FBXL13: variants seen among roughly 807,000 people sequenced by gnomAD.
The protein encoded by FBXL13 is F-box and leucine rich repeat protein 13.
In FBXL13, 67 loss-of-function variants were observed where a neutral mutation model predicts 83.6. The observed-to-expected ratio is 0.80, with a 90% CI of 0.66 to 0.98. The LOEUF (loss-of-function observed/expected upper bound fraction) is 0.98, where lower values mean the gene tolerates loss of function less well. Ranked by LOEUF, FBXL13 falls within the 50% of genes least tolerant of loss-of-function variation. FBXL13 has a pLI of 0.00. For missense variants in FBXL13, 822 were observed against 866.5 expected, an observed-to-expected ratio of 0.95 and a Z score of 0.64; for synonymous variants, 272 against 299.5, an observed-to-expected ratio of 0.91 and a Z score of 0.95.
At chr7:102,871,190 A>G (rs934082357) in intron 16 of FBXL13, among the ~76,000 whole-genome samples, 6 of 151,996 alleles carry the variant, frequency 3.9e-5, no homozygotes, top group African/African-American at 1.5e-4. Flanking sequence ...TCACACCTCC[A>G]TGAGAATGAC....
chr7:102,953,213 A>G (rs1823697338), intron 8 of FBXL13, among the ~76,000 whole-genome samples: 1 of 152,232 alleles, frequency 6.6e-6, no homozygotes. Flanking sequence ...GAAAAACTAC[A>G]GAGTAATATT....
chr7:102,938,372 G>A (rs1011354540), intron 8 of FBXL13, among the ~76,000 whole-genome samples: 1 of 152,120 alleles, frequency 6.6e-6, no homozygotes, highest in Non-Finnish European at 1.5e-5. Flanking sequence ...AATAAACAGG[G>A]CCATTTATGT....
intron 17 of FBXL13, among the ~76,000 whole-genome samples, chr7:102,847,781 G>A (rs1419164854): frequency 6.6e-6 from 1 of 152,038 alleles, no homozygotes; most frequent in African/African-American, 2.4e-5. Context: ...CACCCACCTC[G>A]GCCTCCCAAA....
At chr7:102,940,312 C>T (rs1821168748) in intron 8 of FBXL13, among the ~76,000 whole-genome samples, 1 of 151,858 alleles carries the variant, frequency 6.6e-6, no homozygotes, top group Non-Finnish European at 1.5e-5. Context: ...CAGGTTCACG[C>T]CATTCTCCTG....
At chr7:102,821,851 A>C (rs894916973) in intron 19 of FBXL13, among the ~76,000 whole-genome samples, 189 bp downstream of exon 20, 1 of 152,190 alleles carries the variant, frequency 6.6e-6, no homozygotes, top group African/African-American at 2.4e-5. Flanking sequence ...GCCTACTGGA[A>C]AAGGGATAGG....
intron 11 of FBXL13, among the ~76,000 whole-genome samples, chr7:102,903,939 C>CTTTTT (rs1166655004): frequency 0.038 from 1,605 of 42,776 alleles, no homozygotes; most frequent in Non-Finnish European, 0.054. Flanking sequence ...CTTTTCTTTT[C>CTTTTT]TTTTTTTTTT....
intron 8 of FBXL13, chr7:102,944,870 G>A: frequency 2.9e-6 from 1 of 348,846 alleles, no homozygotes. Flanking sequence ...CCTAATGATG[G>A]CATTAGACTT....
At chr7:102,856,646 A>T (rs963090212) in intron 16 of FBXL13, among the ~76,000 whole-genome samples, 3 of 152,232 alleles carry the variant, frequency 2.0e-5, no homozygotes, top group African/African-American at 7.2e-5. Flanking sequence ...TGGCCTAAAA[A>T]TTGAATTGAT....
intron 2 of FBXL13, among the ~76,000 whole-genome samples, chr7:103,050,546 A>G (rs1796703458): frequency 6.6e-6 from 1 of 152,176 alleles, no homozygotes; most frequent in African/African-American, 2.4e-5. Context: ...CCAACCTCCA[A>G]CTAGGAGTTT....
At chr7:102,934,732 C>T in intron 8 of FBXL13, 1 of 1,452,186 alleles carries the variant, frequency 6.9e-7, no homozygotes, top group Non-Finnish European at 9.3e-7. Context: ...ACTTGAAATG[C>T]TCTTTGAATC....
intron 17 of FBXL13, among the ~76,000 whole-genome samples, chr7:102,851,290 A>G (rs183742449): frequency 1.4e-3 from 212 of 152,342 alleles, no homozygotes; most frequent in Admixed American, 3.0e-3. Context: ...GTCTCCTGTT[A>G]GTCATGTTAA....
rs184259361 is a variant in FBXL13 at position 103,031,658 on chromosome 7, G to T, written c.1-2240C>A. Among the ~76,000 whole-genome samples, 6 of 152,218 alleles carry T rather than the reference G, an allele frequency of 3.9e-5. No individual in the cohort carries two copies. The East Asian group carries it at 1.2e-3, about 29-fold the overall frequency. On this transcript the variant is annotated intron_variant, in intron 2 of 19. Coordinates refer to ENST00000313221, the Ensembl canonical transcript of FBXL13. ...AGGAATGGACAGTGCATCACAATAC[G>T]ATTTCTAAGAGTCCAGGTACACTGA...
intron 10 of FBXL13, among the ~76,000 whole-genome samples, chr7:102,919,403 C>G (rs1216047981): frequency 3.9e-5 from 6 of 152,160 alleles, no homozygotes; most frequent in Admixed American, 3.9e-4. Context: ...ATGATAAACT[C>G]TAAACAAATG....
At chr7:102,973,614 T>G (rs1457185977) in intron 6 of FBXL13, 1 of 766,002 alleles carries the variant, frequency 1.3e-6, no homozygotes, top group African/African-American at 1.7e-5. Flanking sequence ...CAAGAATCTT[T>G]CATCTGGTGC....
intron 6 of FBXL13, among the ~76,000 whole-genome samples, chr7:103,023,279 C>G (rs1292388374): frequency 1.3e-5 from 2 of 150,972 alleles, no homozygotes; most frequent in Non-Finnish European, 3.0e-5. Context: ...CCGTCTCAAA[C>G]AAAACAAAAC....
chr7:103,009,595 A>C (rs1791372580), intron 6 of FBXL13, among the ~76,000 whole-genome samples: 1 of 152,142 alleles, frequency 6.6e-6, no homozygotes, highest in East Asian at 1.9e-4. Flanking sequence ...TCCTGAGTGC[A>C]AGGGGACCTC....
At chr7:102,922,471 C>A (rs1817240268) in intron 10 of FBXL13, among the ~76,000 whole-genome samples, 1 of 151,964 alleles carries the variant, frequency 6.6e-6, no homozygotes, top group Non-Finnish European at 1.5e-5. Context: ...AAAAAGTATG[C>A]ATATAAATGT....
At chr7:103,024,501 C>G (rs993081226) in intron 6 of FBXL13, among the ~76,000 whole-genome samples, 1 of 142,742 alleles carries the variant, frequency 7.0e-6, no homozygotes, top group African/African-American at 2.6e-5. Flanking sequence ...CACTTCCAGC[C>G]TGGGCAACAA....
chr7:102,907,129 C>A (rs751732196), intron 11 of FBXL13, among the ~76,000 whole-genome samples: 3 of 152,012 alleles, frequency 2.0e-5, no homozygotes, highest in African/African-American at 7.2e-5. Context: ...CCCACCACCA[C>A]GTCTGGCTAA....
Sources: allele counts gnomAD v4.1 joint callset (sites outside exome capture counted in the v4.1 genomes callset), GRCh38; gene constraint gnomAD v4.1.1; transcripts MANE v1.5; gene names NCBI Gene and HGNC (gene_info 2026-07-23, HGNC 2026-07-21).